BLVRA: variants seen among roughly 807,000 people sequenced by gnomAD.
The protein encoded by BLVRA is biliverdin reductase A.
A neutral mutation model predicts 32.8 loss-of-function variants in BLVRA; 22 were observed. The ratio of observed to expected loss-of-function variants is 0.67; its 90% CI spans 0.48 to 0.96. BLVRA has a LOEUF of 0.96. Ranked by LOEUF, BLVRA falls within the 40% of genes least tolerant of loss-of-function variation. The probability of loss-of-function intolerance (pLI) is 0.00; values close to 1 mark genes in which losing one functional copy is unlikely to be tolerated. For missense variants in BLVRA, 323 were observed against 358.1 expected, an observed-to-expected ratio of 0.90 and a Z score of 0.79; for synonymous variants, 119 against 141.3, an observed-to-expected ratio of 0.84 and a Z score of 1.12.
chr7:43,759,119 G>C (rs2095739594), intron 1 of BLVRA, among the ~76,000 whole-genome samples: 1 of 152,252 alleles, frequency 6.6e-6, no homozygotes. Flanking sequence ...CTGGGCCCGG[G>C]CGTAGCCACC....
chr7:43,769,645 C>T (rs182286523), intron 1 of BLVRA, among the ~76,000 whole-genome samples: 4 of 151,322 alleles, frequency 2.6e-5, no homozygotes, highest in East Asian at 2.0e-4. Context: ...CTCACTCTGT[C>T]GCCCAGTCTG....
At chr7:43,805,812 G>T (rs2095803477) in intron 7 of BLVRA, among the ~76,000 whole-genome samples, 1 of 152,010 alleles carries the variant, frequency 6.6e-6, no homozygotes, top group Non-Finnish European at 1.5e-5. Context: ...GTCTAGGCCG[G>T]TCTCAAATTC....
chr7:43,777,111 G>A (rs1395363687), intron 2 of BLVRA, among the ~76,000 whole-genome samples: 4 of 150,656 alleles, frequency 2.7e-5, no homozygotes, highest in Non-Finnish European at 4.5e-5. Flanking sequence ...GCCAGTCTGT[G>A]TCTTTTAATT....
chr7:43,780,947 T>C (rs2095768478), intron 2 of BLVRA, among the ~76,000 whole-genome samples: 1 of 152,192 alleles, frequency 6.6e-6, no homozygotes, highest in African/African-American at 2.4e-5. Context: ...AGGAGTTTGA[T>C]ACCAGCCTGG....
chr7:43,770,536 C>G (rs1265268490), intron 1 of BLVRA, among the ~76,000 whole-genome samples: 1 of 152,152 alleles, frequency 6.6e-6, no homozygotes, highest in Non-Finnish European at 1.5e-5. Flanking sequence ...GTTGAGGACC[C>G]CTGTTAAGCC....
chr7:43,789,758 C>T (rs1485176335), intron 3 of BLVRA, among the ~76,000 whole-genome samples: 1 of 152,072 alleles, frequency 6.6e-6, no homozygotes, highest in African/African-American at 2.4e-5. Flanking sequence ...GACCTACCTG[C>T]TAAGTTCTAC....
chr7:43,792,947 A>AC (rs1478587040), intron 5 of BLVRA, 135 bp downstream of exon 5: 1 of 837,250 alleles, frequency 1.2e-6, no homozygotes, highest in Non-Finnish European at 1.9e-6. Flanking sequence ...CTGCCTCCTC[A>AC]CCCCCACACT....
chr7:43,800,431 G>T, intron 5 of BLVRA, 34 bp from the exon 6 acceptor site: 1 of 1,592,462 alleles, frequency 6.3e-7, no homozygotes, highest in South Asian at 1.1e-5. Flanking sequence ...CACAACTGAC[G>T]ACTGCCCTTT....
chr7:43,799,658 G>C (rs930575754), intron 5 of BLVRA, among the ~76,000 whole-genome samples: 3 of 151,960 alleles, frequency 2.0e-5, no homozygotes, highest in Non-Finnish European at 2.9e-5. Flanking sequence ...ATTTTTTGTA[G>C]AGGCCAGGTT....
chr7:43,806,761 T>A (rs2095804442), intron 7 of BLVRA, among the ~76,000 whole-genome samples: 1 of 150,976 alleles, frequency 6.6e-6, no homozygotes, highest in Non-Finnish European at 1.5e-5. Flanking sequence ...AAAAAAAAAG[T>A]CACTGAATGA....
At chr7:43,775,843 T>G (rs1326931024) in intron 2 of BLVRA, among the ~76,000 whole-genome samples, 1 of 152,246 alleles carries the variant, frequency 6.6e-6, no homozygotes, top group East Asian at 1.9e-4. Flanking sequence ...ATTCAGAGAT[T>G]CAACTTCTTC....
chr7:43,765,455 T>C (rs967761931), intron 1 of BLVRA, among the ~76,000 whole-genome samples: 1 of 152,184 alleles, frequency 6.6e-6, no homozygotes, highest in African/African-American at 2.4e-5. Context: ...TTTCACCATG[T>C]TGGCCAGGCT....
At chr7:43,775,695 T>G (rs1437858297) in intron 2 of BLVRA, among the ~76,000 whole-genome samples, 38 of 152,246 alleles carry the variant, frequency 2.5e-4, no homozygotes, top group Non-Finnish European at 4.6e-4. Context: ...CTGTTGATTG[T>G]AATAGTTTCA....
chr7:43,777,995 A>G (rs2095763474), intron 2 of BLVRA, among the ~76,000 whole-genome samples: 1 of 152,140 alleles, frequency 6.6e-6, no homozygotes, highest in African/African-American at 2.4e-5. Flanking sequence ...CAGCTCCATC[A>G]GCTCCTTTAA....
At chr7:43,805,809 C>T (rs529088408) in intron 7 of BLVRA, among the ~76,000 whole-genome samples, 1 of 152,176 alleles carries the variant, frequency 6.6e-6, no homozygotes, top group African/African-American at 2.4e-5. Context: ...ACTGTCTAGG[C>T]CGGTCTCAAA....
Position 43,787,771 on chromosome 7 carries a change from T to C in BLVRA, c.13-133T>C. On this transcript the variant is annotated intron_variant, in intron 2 of 7. Transcript: ENST00000265523. This position sits in a 1 kb window ranked among gnomAD's most constrained non-coding sequence, Gnocchi z 4.5. The stretch of plus-strand genomic sequence containing the variant: ...CGGGGACTGTCTCATCCCATCCTGA[T>C]GCTGTGGCTTCCTGTGTGTTTTGGG... The C allele has an allele frequency of 7.2e-7, 1 of 1,381,194 alleles. No individual in the cohort carries two copies. Among genetic ancestry groups the C allele is most frequent in the South Asian group, 1.2e-5 (1 of 85,246 alleles). The allele number at this position is 1,381,194 out of a possible 1,614,324, so 85.6% of individuals were successfully genotyped here. A position where few individuals can be genotyped will look rare whatever the true frequency, so the allele number is the denominator to read the frequency against.
At chr7:43,805,700 G>A (rs1435000718) in intron 7 of BLVRA, among the ~76,000 whole-genome samples, 1 of 152,028 alleles carries the variant, frequency 6.6e-6, no homozygotes, top group African/African-American at 2.4e-5. Flanking sequence ...GTCCCAAATT[G>A]CATTTTTAAA....
At chr7:43,781,967 CACAA>C (rs1165285612) in intron 2 of BLVRA, among the ~76,000 whole-genome samples, 5 of 152,318 alleles carry the variant, frequency 3.3e-5, no homozygotes, top group South Asian at 2.1e-4. Context: ...CTTTGTACTG[CACAA>C]ACAGTTTTCT....
chr7:43,762,605 C>CTTTTTTTTTTTTTTTTTTT (rs1563533682), intron 1 of BLVRA, among the ~76,000 whole-genome samples: 1 of 118,652 alleles, frequency 8.4e-6, no homozygotes. Context: ...CCCAGTAGTT[C>CTTTTTTTTTTTTTTTTTTT]CTTTTTTTTT....
Sources: gnomAD v4.1 joint callset for allele counts (sites outside exome capture counted in the v4.1 genomes callset) on GRCh38, gnomAD v4.1.1 for gene constraint, Gnocchi (gnomAD v3.1) non-coding constraint, MANE v1.5 for transcripts, NCBI Gene and HGNC (gene_info 2026-07-23, HGNC 2026-07-21) for gene names.